ARHGEF3: variants seen among roughly 807,000 people sequenced by gnomAD.
The protein encoded by ARHGEF3 is Rho guanine nucleotide exchange factor 3.
In ARHGEF3, 28 loss-of-function variants were observed where a neutral mutation model predicts 63.2. The observed-to-expected ratio is 0.44, with a 90% CI of 0.33 to 0.61. The LOEUF is 0.61. Among genes scored for constraint, ARHGEF3 ranks in the 20% least tolerant of loss-of-function variants. ARHGEF3 has a pLI of 0.03. For synonymous variants in ARHGEF3, 266 were observed against 254.2 expected, an observed-to-expected ratio of 1.05 and a Z score of -0.44; for missense variants, 533 against 659.3, an observed-to-expected ratio of 0.81 and a Z score of 2.10.
chr3:56,745,160 T>C (rs1296536939), intron 7 of ARHGEF3, 45 bp downstream of exon 7: 3 of 1,585,584 alleles, frequency 1.9e-6, no homozygotes, highest in Non-Finnish European at 2.6e-6. Context: ...CCAGCCATTA[T>C]GGTGGAAATA....
chr3:56,761,397 A>G (rs2035410319), intron 2 of ARHGEF3, among the ~76,000 whole-genome samples: 1 of 148,600 alleles, frequency 6.7e-6, no homozygotes, highest in South Asian at 2.1e-4. Context: ...CCACATCCCT[A>G]TCAGCATCCC....
At chr3:57,012,757 C>T (rs1702754370) in intron 2 of ARHGEF3, among the ~76,000 whole-genome samples, 1 of 152,240 alleles carries the variant, frequency 6.6e-6, no homozygotes, top group South Asian at 2.1e-4. Flanking sequence ...CTTGGTGCCT[C>T]CTCAGCCTTG....
At chr3:56,975,761 C>G (rs1004764693) in intron 2 of ARHGEF3, 23 of 420,428 alleles carry the variant, frequency 5.5e-5, no homozygotes, top group African/African-American at 1.7e-4. Context: ...CAAACACTTA[C>G]TATGTACCAG....
chr3:56,870,453 G>T (rs1172026555), intron 4 of ARHGEF3, among the ~76,000 whole-genome samples: 24 of 152,182 alleles, frequency 1.6e-4, no homozygotes, highest in Admixed American at 1.6e-3. Context: ...ATCAGTGATT[G>T]CCAGAGGTTA....
At chr3:56,858,184 C>T (rs901537652) in intron 4 of ARHGEF3, among the ~76,000 whole-genome samples, 3 of 143,312 alleles carry the variant, frequency 2.1e-5, no homozygotes, top group Non-Finnish European at 4.5e-5. Context: ...GTGGAGGCTG[C>T]AGTGAGCCAT....
intron 6 of ARHGEF3, 39 bp downstream of exon 6, chr3:56,751,017 T>C (rs753755678): frequency 2.0e-6 from 3 of 1,505,418 alleles, no homozygotes; most frequent in Non-Finnish European, 1.8e-6. Flanking sequence ...TCTATATTAT[T>C]GAAATTTATC....
In ARHGEF3 at chr3:56,755,126, C is replaced by G; in HGVS notation, c.230G>C (p.Ser77Thr). The change falls in exon 3 of 10, where the codon AGC becomes ACC. Residue 77 changes from serine to threonine, a missense_variant. Coordinates refer to ENST00000296315, the MANE Select transcript of ARHGEF3 (RefSeq NM_019555.3). ...TCGGGGGGCGAGGATGTCAGGGCGG[C>G]TCTCACTGCGGAAGCTAATGGAGCG... ...LQRSISFRSESRPDILAPRPW... is the reference protein window; with the variant it reads ...LQRSISFRSETRPDILAPRPW... 1 of 1,613,796 alleles carries G rather than the reference C, an allele frequency of 6.2e-7. No homozygotes were observed. The highest frequency in any genetic ancestry group is 2.2e-5 in the East Asian group (1 of 44,870).
rs1326506646 is a variant in ARHGEF3, at chr3:57,042,684, ATATATATATATATATATT to A, written c.-27-7526_-27-7509del. Among the ~76,000 whole-genome samples the A allele has an allele frequency of 6.1e-3, 60 of 9,858 alleles. 3 individuals are homozygous for A. The highest frequency in any genetic ancestry group is 0.015 in the East Asian group (3 of 200). 6.5% of individuals were successfully genotyped at this position (9,858 alleles called of 152,430 possible). On this transcript the variant is annotated intron_variant, in intron 1 of 12. Coordinates refer to the ARHGEF3 transcript ENST00000338458. ...TATATATATATATATATATATATAT[ATATATATATATATATATT>A]TTTTTTTTTTTTTAGACGGAGTCTC...
chr3:56,840,464 T>C (rs2039274390), intron 4 of ARHGEF3, among the ~76,000 whole-genome samples: 1 of 152,236 alleles, frequency 6.6e-6, no homozygotes, highest in African/African-American at 2.4e-5. Flanking sequence ...ATAAAATGTC[T>C]GCTTTTTAAA....
At chr3:56,871,715 C>G (rs756948521) in intron 4 of ARHGEF3, among the ~76,000 whole-genome samples, 4 of 152,034 alleles carry the variant, frequency 2.6e-5, no homozygotes, top group African/African-American at 7.2e-5. Flanking sequence ...AATAGAAAAG[C>G]TTATCATAAC....
intron 2 of ARHGEF3, among the ~76,000 whole-genome samples, chr3:56,764,756 A>ATTT (rs199973461): frequency 2.1e-5 from 3 of 142,302 alleles, no homozygotes; most frequent in Non-Finnish European, 4.6e-5. Context: ...TAGTCAACAA[A>ATTT]TTTTTTTTTT....
At chr3:56,982,518 C>T (rs1701363741) in intron 2 of ARHGEF3, among the ~76,000 whole-genome samples, 1 of 152,132 alleles carries the variant, frequency 6.6e-6, no homozygotes, top group Non-Finnish European at 1.5e-5. Flanking sequence ...TTCCTATCCA[C>T]CCCTCTTGCC....
chr3:56,769,672 G>A (rs908842395), intron 2 of ARHGEF3, among the ~76,000 whole-genome samples: 1 of 152,168 alleles, frequency 6.6e-6, no homozygotes, highest in Non-Finnish European at 1.5e-5. Context: ...ATATCCTCCT[G>A]GGCTAACTTG....
chr3:56,942,156 T>C (rs1044868001), intron 3 of ARHGEF3, among the ~76,000 whole-genome samples: 4 of 152,238 alleles, frequency 2.6e-5, no homozygotes, highest in Non-Finnish European at 2.9e-5. Context: ...TACATTATTA[T>C]TGCTATTGTT....
At chr3:56,744,556 G>A (rs995841153) in intron 7 of ARHGEF3, among the ~76,000 whole-genome samples, 4 of 151,690 alleles carry the variant, frequency 2.6e-5, no homozygotes, top group African/African-American at 7.3e-5. Context: ...ATGCCACCTC[G>A]CCCAGCTAAT....
chr3:56,975,412 T>C (rs1029178746), intron 2 of ARHGEF3, among the ~76,000 whole-genome samples: 1 of 151,988 alleles, frequency 6.6e-6, no homozygotes, highest in Non-Finnish European at 1.5e-5. Context: ...AGCAAGACTC[T>C]GTCTCAAAAA....
intron 3 of ARHGEF3, among the ~76,000 whole-genome samples, chr3:56,917,517 C>T (rs1560048485): frequency 6.6e-6 from 1 of 152,138 alleles, no homozygotes; most frequent in Non-Finnish European, 1.5e-5. Flanking sequence ...TCCGGTCTAA[C>T]AGAAGGAGAT....
intron 1 of ARHGEF3, among the ~76,000 whole-genome samples, chr3:57,057,024 G>A (rs1191134138): frequency 6.6e-6 from 1 of 151,686 alleles, no homozygotes; most frequent in Non-Finnish European, 1.5e-5. Context: ...CACTCCACCT[G>A]CCCCCTTGGT....
intron 3 of ARHGEF3, among the ~76,000 whole-genome samples, chr3:56,914,584 C>T (rs954914168): frequency 5.9e-5 from 9 of 152,144 alleles, no homozygotes; most frequent in African/African-American, 1.9e-4. Flanking sequence ...CGTATATTCA[C>T]AGAGAAATTG....
Sources: gnomAD v4.1 joint callset for allele counts (sites outside exome capture counted in the v4.1 genomes callset) on GRCh38, gnomAD v4.1.1 for gene constraint, MANE v1.5 for transcripts, NCBI Gene and HGNC (gene_info 2026-07-23, HGNC 2026-07-21) for gene names.